LDB2: variants seen among roughly 807,000 people sequenced by gnomAD.
LDB2 encodes the protein LIM domain binding 2.
LDB2 carries 12 observed loss-of-function variants against 44.3 expected under a neutral mutation model. The observed-to-expected ratio is 0.27, with a 90% confidence interval of 0.17 to 0.44. The LOEUF (loss-of-function observed/expected upper bound fraction) is 0.44. Among genes scored for constraint, LDB2 ranks in the 20% least tolerant of loss-of-function variants. The probability of loss-of-function intolerance (pLI) is 1.00; values close to 1 mark genes in which losing one functional copy is unlikely to be tolerated. For missense variants in LDB2, 344 were observed against 473.5 expected (o/e 0.73, Z 2.54); for synonymous variants, 164 against 174.8 (o/e 0.94, Z 0.49).
At chr4:16,812,229 C>G (rs1271264243) in intron 1 of LDB2, among the ~76,000 whole-genome samples, 1 of 152,148 alleles carries the variant, frequency 6.6e-6, no homozygotes, top group African/African-American at 2.4e-5. Flanking sequence ...CCTGTCTGAT[C>G]TTACCACTGT....
chr4:16,502,512 A>G lies in LDB2; in HGVS notation c.*131T>C. On this transcript the variant is annotated 3_prime_UTR_variant, in exon 8 of 8. Coordinates refer to ENST00000304523, the MANE Select transcript of LDB2 (RefSeq NM_001290.5). The stretch of plus-strand genomic sequence containing the variant: ...AAGAAAGAAGAAAGAAAATCAGATC[A>G]TTGTGGTTTAGAAATAGATATTTGC... 8.3e-7 allele frequency: 1 copy of G among 1,205,542 alleles called. No homozygotes were observed. Among genetic ancestry groups the G allele is most frequent in the Non-Finnish European group, 1.2e-6 (1 of 847,958 alleles). The allele number at this position is 1,205,542 out of a possible 1,614,324, so 74.7% of individuals were successfully genotyped here.
chr4:16,614,878 G>A (rs1489395412), intron 2 of LDB2, among the ~76,000 whole-genome samples: 6 of 150,596 alleles, frequency 4.0e-5, no homozygotes, highest in African/African-American at 7.3e-5. Context: ...AGACCATCCC[G>A]GCTAAAACGG....
At chr4:16,709,448 G>A (rs1046557137) in intron 2 of LDB2, among the ~76,000 whole-genome samples, 5 of 152,150 alleles carry the variant, frequency 3.3e-5, no homozygotes, top group African/African-American at 1.2e-4. Context: ...CATGGGGTCT[G>A]TCTTGTCTAG....
At chr4:16,560,486 G>C (rs187619432) in intron 5 of LDB2, among the ~76,000 whole-genome samples, 4 of 152,186 alleles carry the variant, frequency 2.6e-5, no homozygotes, top group East Asian at 1.9e-4. Context: ...ATAAATTCCT[G>C]GACACATACA....
rs192283957 is a variant in LDB2, at chr4:16,823,131, C to T, written c.133-63871G>A. 3.6e-4 allele frequency among the ~76,000 whole-genome samples: 55 copies of T among 152,294 alleles called. 1 individual carries two copies. The highest frequency in any genetic ancestry group is 3.4e-3 in the Middle Eastern group (1 of 294). On this transcript the variant is annotated intron_variant, in intron 1 of 7. Transcript: ENST00000304523. ...TGTCTTCCTGGGCAGCTGAGCTCCA[C>T]GAGGTAAGAATCACATCAGTACTGT...
chr4:16,583,965 G>A (rs1429658631), intron 5 of LDB2, among the ~76,000 whole-genome samples: 2 of 152,186 alleles, frequency 1.3e-5, no homozygotes, highest in African/African-American at 4.8e-5. Flanking sequence ...AAAACTGCCA[G>A]GAGTAATGAG....
chr4:16,595,027 G>C lies in LDB2; in HGVS notation c.408+676C>G, dbSNP rs144181243. On this transcript the variant is annotated intron_variant, in intron 3 of 7. Coordinates refer to ENST00000304523, the MANE Select transcript of LDB2 (RefSeq NM_001290.5). ...AATATTCCATATGTCAATTTCCTAT[G>C]TAGGGCAAGGATCATAGATCTAAAA... is the stretch of plus-strand genomic sequence containing the variant. Among the ~76,000 whole-genome samples, 472 of 152,278 alleles carry C rather than the reference G, an allele frequency of 3.1e-3. 2 individuals are homozygous for C. Among genetic ancestry groups the C allele is most frequent in the African/African-American group, 0.011 (446 of 41,554 alleles).
intron 1 of LDB2, among the ~76,000 whole-genome samples, chr4:16,846,936 A>G (rs565788668): frequency 6.6e-6 from 1 of 152,330 alleles, no homozygotes; most frequent in South Asian, 2.1e-4. Flanking sequence ...CATTTCCCAG[A>G]TGTCTAAATA....
At chr4:16,613,725 C>A (rs933375250) in intron 2 of LDB2, among the ~76,000 whole-genome samples, 7 of 151,956 alleles carry the variant, frequency 4.6e-5, no homozygotes, top group Non-Finnish European at 1.0e-4. Context: ...TGTAAAGGAC[C>A]TTTTCAAGGA....
intron 2 of LDB2, among the ~76,000 whole-genome samples, chr4:16,702,710 A>G (rs12501707): frequency 0.25 from 37,857 of 152,008 alleles, 4,868 homozygotes; most frequent in South Asian, 0.44. Flanking sequence ...ATGGGGATGC[A>G]TGAGTGAAGC....
At chr4:16,846,430 A>C (rs1472508343) in intron 1 of LDB2, among the ~76,000 whole-genome samples, 1 of 152,228 alleles carries the variant, frequency 6.6e-6, no homozygotes, top group Non-Finnish European at 1.5e-5. Context: ...GCAAAAGATC[A>C]AACTCTTTAG....
rs181124184 is a variant in LDB2 at position 16,778,032 on chromosome 4, C to T, written c.133-18772G>A. ...TCACACCGCTGCTCCCAGAGCCCTG[C>T]GTTTCTACTTCTATGACACTACCTG... On this transcript the variant is annotated intron_variant, in intron 1 of 7. Coordinates refer to ENST00000304523, the MANE Select transcript of LDB2 (RefSeq NM_001290.5). Among the ~76,000 whole-genome samples the T allele has an allele frequency of 2.1e-3, 317 of 152,260 alleles. 1 individual carries two copies. Among genetic ancestry groups the T allele is most frequent in the Non-Finnish European group, 3.2e-3 (217 of 68,024 alleles).
At position 16,752,949 on chromosome 4, in the gene LDB2, G is replaced by A. The variant is rs535895305; in HGVS notation, c.235+6209C>T. ...TACTTTATGGAAGACCAAGTCTGCA[G>A]GGCCAGCTGGCCATGCCTTCTGAGA... On this transcript the variant is annotated intron_variant, in intron 2 of 7. Transcript: ENST00000304523. Among the ~76,000 whole-genome samples, 3 of 152,276 alleles carry A rather than the reference G, an allele frequency of 2.0e-5. No individual in the cohort carries two copies. The South Asian group carries it at 6.2e-4, about 32-fold the overall frequency.
At chr4:16,793,480 G>A (rs779767998) in intron 1 of LDB2, among the ~76,000 whole-genome samples, 1 of 152,122 alleles carries the variant, frequency 6.6e-6, no homozygotes, top group Non-Finnish European at 1.5e-5. Context: ...CAGCTCCCAG[G>A]TTGCCATTTG....
chr4:16,656,846 C>T, intron 2 of LDB2, among the ~76,000 whole-genome samples: 1 of 152,178 alleles, frequency 6.6e-6, no homozygotes, highest in Admixed American at 6.5e-5. Flanking sequence ...CTATGTAAAT[C>T]ATAATTGATA....
intron 5 of LDB2, among the ~76,000 whole-genome samples, chr4:16,547,590 G>C (rs1259753855): frequency 1.3e-5 from 2 of 152,132 alleles, no homozygotes; most frequent in African/African-American, 2.4e-5. Context: ...GCTCCTGCCT[G>C]CTCCTTATTG....
intron 2 of LDB2, among the ~76,000 whole-genome samples, chr4:16,723,787 GC>G: frequency 6.6e-6 from 1 of 151,940 alleles, no homozygotes; most frequent in East Asian, 1.9e-4. Flanking sequence ...TTTCACACTT[GC>G]TTTAGATCCC....
chr4:16,821,746 C>CAAAAAAAAAACAAAAAAA (rs1782086288), intron 1 of LDB2, among the ~76,000 whole-genome samples: 1 of 61,752 alleles, frequency 1.6e-5, no homozygotes. Flanking sequence ...AACATTAAAG[C>CAAAAAAAAAACAAAAAAA]AAAAAAAAAA....
chr4:16,751,901 C>T (rs1244308050), intron 2 of LDB2, among the ~76,000 whole-genome samples: 1 of 152,170 alleles, frequency 6.6e-6, no homozygotes, highest in Non-Finnish European at 1.5e-5. Flanking sequence ...CTGAAATGGA[C>T]ACTCATTAAT....
Sources: gnomAD v4.1 joint callset for allele counts (sites outside exome capture counted in the v4.1 genomes callset) on GRCh38, gnomAD v4.1.1 for gene constraint, MANE v1.5 for transcripts, NCBI Gene and HGNC (gene_info 2026-07-23, HGNC 2026-07-21) for gene names.